BEST2: variants seen among roughly 807,000 people sequenced by gnomAD.
The protein encoded by BEST2 is bestrophin-2a.
BEST2 carries 36 observed loss-of-function variants against 49.0 expected under a neutral mutation model. The ratio of observed to expected loss-of-function variants is 0.73; its 90% CI spans 0.56 to 0.97. BEST2 has a LOEUF of 0.97. Ranked by LOEUF, BEST2 falls within the 50% of genes least tolerant of loss-of-function variation. The pLI, the probability that BEST2 is intolerant of heterozygous loss-of-function variation, is 0.00. For synonymous variants in BEST2, 335 were observed against 304.4 expected (o/e 1.10, Z -1.05); for missense variants, 672 against 710.0 (o/e 0.95, Z 0.61).
chr19:12,751,910 C>T (rs989963253), intron 1 of BEST2, 71 bp downstream of exon 1: 1 of 152,746 alleles, frequency 6.5e-6, no homozygotes, highest in African/African-American at 2.4e-5. Flanking sequence ...AGGAATGCAT[C>T]CGGAGTCCTC....
At chr19:12,757,355 T>C (rs1487644046) in intron 9 of BEST2, among the ~76,000 whole-genome samples, 1 of 152,132 alleles carries the variant, frequency 6.6e-6, no homozygotes, top group Non-Finnish European at 1.5e-5. Flanking sequence ...AAGGTTGTGG[T>C]GAGCCGAGAT....
intron 3 of BEST2, 112 bp from the exon 4 acceptor site, chr19:12,754,440 C>T (rs960525324): frequency 1.4e-4 from 127 of 938,942 alleles, no homozygotes; most frequent in Admixed American, 3.5e-4. Flanking sequence ...TTGGCCAGCA[C>T]GCTCGGGTTT....
rs1435225070 is a variant in BEST2 at position 12,756,935 on chromosome 19, G to A, written c.1103+640G>A. On this transcript the variant is annotated intron_variant, in intron 9 of 9. Coordinates refer to ENST00000553030, the MANE Select transcript of BEST2 (RefSeq NM_017682.3). ...AAGGCAGGTGGATCACTTGAGGTCA[G>A]GAGTTCGAGACCAGCCTGGCCAACA... Among the ~76,000 whole-genome samples the A allele has an allele frequency of 6.6e-5, 10 of 152,178 alleles. No individual in the cohort carries two copies. In the South Asian group the frequency reaches 2.1e-3, roughly 32 times the overall value.
At position 12,755,988 on chromosome 19, in the gene BEST2, C is replaced by T; in HGVS notation, c.948+53C>T. 6.3e-7 allele frequency: 1 copy of T among 1,596,688 alleles called. No individual in the cohort carries two copies. The highest frequency in any genetic ancestry group is 1.7e-4 in the Middle Eastern group (1 of 6,020). ...CCAGGTGGCGACCATCCCGGAGTGC[C>T]CAACAGGGTTCTGGTCCCACCCCTG... On this transcript the variant is annotated intron_variant, in intron 8 of 9. Coordinates refer to ENST00000553030, the MANE Select transcript of BEST2 (RefSeq NM_017682.3). This position sits in a 1 kb window ranked among gnomAD's most constrained non-coding sequence, Gnocchi z 4.4.
chr19:12,752,670 G>T lies in BEST2; in HGVS notation c.78G>T (p.Gly26=). The change falls in exon 2 of 10, where the codon GGG becomes GGT. Residue 26 remains glycine (G), a synonymous_variant. Transcript: ENST00000553030. ...GFSQLLLLWR[G]SIYKLLWREL... ...CCCAGCTGCTGCTACTGTGGCGTGG[G>T]AGCATCTACAAACTCCTGTGGCGAG... is the stretch of plus-strand genomic sequence containing the variant. The T allele has an allele frequency of 6.2e-7, 1 of 1,612,828 alleles. No individual in the cohort carries two copies. Among genetic ancestry groups the T allele is most frequent in the Non-Finnish European group, 8.5e-7 (1 of 1,179,950 alleles).
intron 3 of BEST2, among the ~76,000 whole-genome samples, chr19:12,753,666 GA>G (rs1967899588): frequency 6.6e-6 from 1 of 151,928 alleles, no homozygotes; most frequent in Non-Finnish European, 1.5e-5. Context: ...TATTAGGGGG[GA>G]CAAACCCCTA....
intron 1 of BEST2, among the ~76,000 whole-genome samples, chr19:12,752,194 C>T (rs193106419): frequency 2.2e-4 from 33 of 151,908 alleles, no homozygotes; most frequent in African/African-American, 7.7e-4. Flanking sequence ...GAGGTGGAGC[C>T]TTGAGAACCT....
rs2065491775 is a variant in BEST2 at position 12,755,171 on chromosome 19, C to T, written c.636+140C>T. ...CAGGTGCACTCTTACCTCCATGGGG[C>T]TGATTCCAATGCCCTTGAGGGGCAG... On this transcript the variant is annotated intron_variant, in intron 5 of 9. Coordinates refer to ENST00000553030, the MANE Select transcript of BEST2 (RefSeq NM_017682.3). This position sits in a 1 kb window ranked among gnomAD's most constrained non-coding sequence, Gnocchi z 4.4. 2 of 1,202,120 alleles carry T rather than the reference C, an allele frequency of 1.7e-6. No individual in the cohort carries two copies. The highest frequency in any genetic ancestry group is 3.1e-5 in the South Asian group (2 of 64,424). 74.5% of individuals were successfully genotyped at this position (1,202,120 alleles called of 1,614,324 possible).
chr19:12,755,624 A>T lies in BEST2; in HGVS notation c.724A>T (p.Ile242Phe), dbSNP rs766951863. Reference protein sequence around the residue: ...VPLVYTQVVTIALYSYFLACL... With the variant: ...VPLVYTQVVTFALYSYFLACL... ...GCCCCGCCCTGCCCAGGTGGTGACC[A>T]TCGCACTGTACAGCTACTTCCTGGC... The change falls in exon 7 of 10, where the codon ATC becomes TTC. Residue 242 changes from isoleucine (I) to phenylalanine (F), a missense_variant. Around this residue, in one of 3 missense-constraint regions of BEST2, gnomAD observed 365 missense variants for 390.9 expected, o/e 0.93. Transcript: ENST00000553030. The surrounding 1 kb of genome is among the most constrained non-coding windows in gnomAD (Gnocchi z 4.4). 2 of 1,613,672 alleles carry T rather than the reference A, an allele frequency of 1.2e-6. No individual in the cohort carries two copies. Among genetic ancestry groups the T allele is most frequent in the African/African-American group, 1.3e-5 (1 of 74,878 alleles).
intron 3 of BEST2, 96 bp downstream of exon 3, chr19:12,753,450 T>TC (rs146393435): frequency 2.9e-4 from 326 of 1,133,048 alleles, no homozygotes; most frequent in African/African-American, 1.4e-3. Flanking sequence ...CCCTCTGAGA[T>TC]CCCCCCCCTC....
rs775071591 is a variant in BEST2 at position 12,752,689 on chromosome 19, T to C, written c.97T>C (p.Trp33Arg). 3 of 1,612,422 alleles carry C rather than the reference T, an allele frequency of 1.9e-6. 1 individual carries two copies. The East Asian group carries it at 6.7e-5, about 36-fold the overall frequency. ...LWRGSIYKLL[W>R]RELLCFLGFY... Reference sequence around the variant, plus strand: ...GCGTGGGAGCATCTACAAACTCCTGTGGCGAGAGCTGCTCTGCTTCCTTGG... The same window carrying C: ...GCGTGGGAGCATCTACAAACTCCTGCGGCGAGAGCTGCTCTGCTTCCTTGG... Residue 33 changes from tryptophan (W) to arginine (R), a missense_variant, in exon 2 of 10, where the codon TGG (tryptophan) becomes CGG (arginine). Trp to Arg is a moderately radical substitution (Grantham distance 101, BLOSUM62 -3). Around this residue, in one of 3 missense-constraint regions of BEST2, gnomAD observed 365 missense variants for 390.9 expected, o/e 0.93. Coordinates refer to ENST00000553030, the MANE Select transcript of BEST2 (RefSeq NM_017682.3).
intron 3 of BEST2, 57 bp from the exon 4 acceptor site, chr19:12,754,495 C>T (rs1967911511): frequency 7.2e-7 from 1 of 1,380,864 alleles, no homozygotes; most frequent in Admixed American, 2.8e-5. Flanking sequence ...CAACCTGGGC[C>T]CCCAAACCCC....
At position 12,755,754 on chromosome 19, in the gene BEST2, C is replaced by A; in HGVS notation, c.854C>A (p.Ala285Asp). ...IFTLLQFFFY[A>D]GWLKVAEQLI... is the part of the protein sequence containing the mutation. ...ACCCTCTTGCAGTTCTTCTTCTACGCCGGCTGGCTCAAGGTAGGTGGGTGA... is the reference window on the plus strand; with the variant it reads ...ACCCTCTTGCAGTTCTTCTTCTACGACGGCTGGCTCAAGGTAGGTGGGTGA... Residue 285 changes from alanine (A) to aspartate (D), a missense_variant, in exon 7 of 10, where the codon GCC becomes GAC. Coordinates refer to ENST00000553030, the MANE Select transcript of BEST2 (RefSeq NM_017682.3). The surrounding 1 kb of genome is among the most constrained non-coding windows in gnomAD (Gnocchi z 4.4). 6.2e-7 allele frequency: 1 copy of A among 1,614,092 alleles called. No individual in the cohort carries two copies. Among genetic ancestry groups the A allele is most frequent in the Non-Finnish European group, 8.5e-7 (1 of 1,179,980 alleles).
At chr19:12,753,628 T>G (rs1036040030) in intron 3 of BEST2, among the ~76,000 whole-genome samples, 3 of 152,038 alleles carry the variant, frequency 2.0e-5, no homozygotes, top group African/African-American at 7.2e-5. Context: ...CTGGTCACCC[T>G]GGGGATTCTC....
chr19:12,754,984 C>T lies in BEST2; in HGVS notation c.589C>T (p.Arg197Cys), dbSNP rs773094930. ...WFSNLAAQAR[R>C]EGRIRDNSAL... is the part of the protein sequence containing the mutation. ...CTCCAACCTGGCGGCACAGGCCCGA[C>T]GCGAGGGCCGCATCCGCGACAACAG... The change falls in exon 5 of 10, where the codon CGC (arginine) becomes TGC (cysteine). Residue 197 changes from arginine (R) to cysteine (C), a missense_variant. Around this residue, in one of 3 missense-constraint regions of BEST2, gnomAD observed 365 missense variants for 390.9 expected, o/e 0.93. Coordinates refer to ENST00000553030, the MANE Select transcript of BEST2 (RefSeq NM_017682.3). 1.1e-5 allele frequency: 18 copies of T among 1,612,282 alleles called. No homozygotes were observed. The highest frequency in any genetic ancestry group is 1.7e-4 in the Middle Eastern group (1 of 6,044).
chr19:12,757,014 A>C (rs908221955), intron 9 of BEST2, among the ~76,000 whole-genome samples: 4 of 152,178 alleles, frequency 2.6e-5, no homozygotes, highest in African/African-American at 9.6e-5. Context: ...TTGGTGGCTC[A>C]CGCCTGTAAT....
chr19:12,753,294 G>C lies in BEST2; in HGVS notation c.187G>C (p.Glu63Gln). The C allele has an allele frequency of 2.5e-6, 4 of 1,614,150 alleles. No individual in the cohort carries two copies. Among genetic ancestry groups the C allele is most frequent in the Non-Finnish European group, 3.4e-6 (4 of 1,180,020 alleles). ...VLTEGQKRYF[E>Q]KLVIYCDQYA... Reference sequence around the variant, plus strand: ...GACCGAAGGGCAGAAGCGCTACTTCGAGAAGCTTGTGATTTATTGTGACCA... The same window carrying C: ...GACCGAAGGGCAGAAGCGCTACTTCCAGAAGCTTGTGATTTATTGTGACCA... Residue 63 changes from glutamate to glutamine, a missense_variant, in exon 3 of 10, where the codon GAG becomes CAG. By Grantham distance (29) the Glu-to-Gln change is conservative. Coordinates refer to ENST00000553030, the MANE Select transcript of BEST2 (RefSeq NM_017682.3).
At chr19:12,752,506 TCA>T in intron 1 of BEST2, 34 bp from the exon 2 acceptor site, 1 of 1,399,272 alleles carries the variant, frequency 7.1e-7, no homozygotes. Context: ...ATCCCTGTGC[TCA>T]GTTATCCCCG....
rs36076549 is a variant in BEST2 at position 12,754,062 on chromosome 19, C to CTTTTTT, written c.248-464_248-459dup. On this transcript the variant is annotated intron_variant, in intron 3 of 9. Transcript: ENST00000553030. Reference sequence around the variant, plus strand: ...CCAGTGACCCAAAGGGCTGCTCTGCCTTTTTTTTTTTTTTTTTTTTTTTTT... The same window carrying CTTTTTT: ...CCAGTGACCCAAAGGGCTGCTCTGCCTTTTTTTTTTTTTTTTTTTTTTTTTTTTTTT... Among the ~76,000 whole-genome samples, 57 of 54,460 alleles carry CTTTTTT rather than the reference C, an allele frequency of 1.0e-3. 8 individuals are homozygous for CTTTTTT. Among genetic ancestry groups the CTTTTTT allele is most frequent in the Non-Finnish European group, 1.3e-3 (38 of 28,752 alleles). The allele number at this position is 54,460 out of a possible 152,430, so 35.7% of individuals were successfully genotyped here.
Sources: allele counts gnomAD v4.1 joint callset (sites outside exome capture counted in the v4.1 genomes callset), GRCh38; gene constraint gnomAD v4.1.1; regional missense constraint gnomAD v4.1.1; non-coding constraint Gnocchi (gnomAD v3.1); transcripts MANE v1.5; gene names NCBI Gene and HGNC (gene_info 2026-07-23, HGNC 2026-07-21).